TNRC6A: variants seen among roughly 807,000 people sequenced by gnomAD.
TNRC6A encodes trinucleotide repeat containing adaptor 6A.
In TNRC6A, 44 loss-of-function variants were observed where a neutral mutation model predicts 221.2. That is an observed-to-expected ratio of 0.20 (90% CI 0.16 to 0.26). The LOEUF is 0.26. TNRC6A is among the 10% of genes least tolerant of loss of function. TNRC6A has a pLI of 1.00. For synonymous variants in TNRC6A, 847 were observed against 838.5 expected (o/e 1.01, Z -0.18); for missense variants, 2,199 against 2,404.4 (o/e 0.91, Z 1.79).
chr16:24,790,754 C>G lies in TNRC6A; in HGVS notation c.2112C>G (p.Leu704=), dbSNP rs778440208. The change falls in exon 6 of 25, where the codon CTC becomes CTG. Residue 704 remains leucine, a synonymous_variant. Transcript: ENST00000395799. The part of the protein sequence containing the change: ...DRRKIDQHTL[L]QSIVNRTDLD... Reference sequence around the variant, plus strand: ...GAAAAATTGATCAGCACACATTACTCCAAAGCATTGTAAACAGAACTGACT... The same window carrying G: ...GAAAAATTGATCAGCACACATTACTGCAAAGCATTGTAAACAGAACTGACT... 6.2e-7 allele frequency: 1 copy of G among 1,614,108 alleles called. No individual in the cohort carries two copies. Among genetic ancestry groups the G allele is most frequent in the Non-Finnish European group, 8.5e-7 (1 of 1,180,016 alleles).
intron 3 of TNRC6A, among the ~76,000 whole-genome samples, chr16:24,753,094 G>A (rs1446365580): frequency 6.6e-6 from 1 of 152,152 alleles, no homozygotes; most frequent in African/African-American, 2.4e-5. Flanking sequence ...CACCAAGTCA[G>A]TATAAGTGGT....
At chr16:24,670,908 A>G (rs1740859132) in intron 2 of TNRC6A, 1 of 275,342 alleles carries the variant, frequency 3.6e-6, no homozygotes, top group South Asian at 2.8e-5. Context: ...CACTCCCGCC[A>G]GCCCCCACAC....
intron 1 of TNRC6A, among the ~76,000 whole-genome samples, chr16:24,618,179 C>T (rs1900473869): frequency 1.3e-5 from 2 of 152,174 alleles, no homozygotes; most frequent in African/African-American, 2.4e-5. Flanking sequence ...CATCAGCTTC[C>T]TAAAGTGCTG....
chr16:24,753,047 T>C (rs143228066), intron 3 of TNRC6A, among the ~76,000 whole-genome samples: 36 of 152,358 alleles, frequency 2.4e-4, no homozygotes, highest in Non-Finnish European at 3.8e-4. Context: ...TTGTTACAAG[T>C]AAATCTTTAC....
intron 2 of TNRC6A, among the ~76,000 whole-genome samples, chr16:24,700,725 T>A (rs553921531): frequency 1.3e-5 from 2 of 152,218 alleles, no homozygotes; most frequent in South Asian, 4.1e-4. Context: ...TCTTAGCCAG[T>A]GAGATGCTGT....
At chr16:24,817,850 G>A (rs1438593997) in intron 20 of TNRC6A, among the ~76,000 whole-genome samples, 2 of 152,166 alleles carry the variant, frequency 1.3e-5, no homozygotes, top group African/African-American at 2.4e-5. Context: ...GGAACACTAA[G>A]CCAAGCATAA....
intron 2 of TNRC6A, among the ~76,000 whole-genome samples, chr16:24,733,423 C>T (rs1018120727): frequency 6.6e-6 from 1 of 152,166 alleles, no homozygotes; most frequent in Non-Finnish European, 1.5e-5. Context: ...CATAGGTAAA[C>T]TGTCTTTTAA....
chr16:24,724,698 C>T (rs1440120701), upstream of TNRC6A, among the ~76,000 whole-genome samples: 2 of 151,996 alleles, frequency 1.3e-5, no homozygotes, highest in African/African-American at 4.8e-5. Context: ...GAGCCGAGAT[C>T]GTGCCACTGC....
chr16:24,611,669 A>G (rs1197840967), intron 1 of TNRC6A, among the ~76,000 whole-genome samples: 1 of 152,200 alleles, frequency 6.6e-6, no homozygotes, highest in East Asian at 1.9e-4. Flanking sequence ...GATTTAGTTC[A>G]ATGTAATTGC....
intron 2 of TNRC6A, among the ~76,000 whole-genome samples, chr16:24,672,484 C>T (rs1036595592): frequency 6.6e-6 from 1 of 152,026 alleles, no homozygotes; most frequent in Non-Finnish European, 1.5e-5. Flanking sequence ...CGAAGTCACC[C>T]AGGCTGGAGT....
intron 14 of TNRC6A, 64 bp downstream of exon 14, chr16:24,805,215 T>G (rs964236538): frequency 6.3e-7 from 1 of 1,585,256 alleles, no homozygotes; most frequent in African/African-American, 1.3e-5. Context: ...GATTTTGTAT[T>G]TGAATAAAAT....
chr16:24,678,383 T>C (rs1441076297), intron 2 of TNRC6A, among the ~76,000 whole-genome samples: 1 of 151,872 alleles, frequency 6.6e-6, no homozygotes, highest in African/African-American at 2.4e-5. Context: ...GATAAAAAGC[T>C]TCTGTCATGC....
chr16:24,635,644 T>C (rs541125884), intron 1 of TNRC6A, among the ~76,000 whole-genome samples: 2 of 152,312 alleles, frequency 1.3e-5, no homozygotes, highest in Admixed American at 1.3e-4. Context: ...ATCATAGACA[T>C]CACATTTGTT....
chr16:24,768,478 A>C (rs894446047), intron 4 of TNRC6A, among the ~76,000 whole-genome samples: 2 of 151,220 alleles, frequency 1.3e-5, no homozygotes, highest in African/African-American at 2.4e-5. Flanking sequence ...AAAGATACTT[A>C]GGAAAATCCT....
chr16:24,759,889 A>G (rs184871500), intron 4 of TNRC6A, among the ~76,000 whole-genome samples: 1 of 152,290 alleles, frequency 6.6e-6, no homozygotes, highest in East Asian at 1.9e-4. Context: ...AGGATGCGGA[A>G]TGTAGGGAGG....
chr16:24,740,847 G>A (rs2151290159), intron 2 of TNRC6A, among the ~76,000 whole-genome samples: 1 of 152,210 alleles, frequency 6.6e-6, no homozygotes, highest in African/African-American at 2.4e-5. Flanking sequence ...CCTTCTGTCT[G>A]TATGCATTTG....
chr16:24,611,768 G>A (rs1900068030), intron 1 of TNRC6A, among the ~76,000 whole-genome samples: 1 of 152,076 alleles, frequency 6.6e-6, no homozygotes, highest in African/African-American at 2.4e-5. Context: ...TATATTAGTT[G>A]AACCATGGGG....
chr16:24,703,101 A>G (rs889818571), intron 2 of TNRC6A, among the ~76,000 whole-genome samples: 2 of 152,084 alleles, frequency 1.3e-5, no homozygotes, highest in African/African-American at 2.4e-5. Flanking sequence ...ATGGTGTTTA[A>G]TACATTCACA....
intron 22 of TNRC6A, 118 bp downstream of exon 22, chr16:24,820,478 G>C: frequency 1.1e-6 from 1 of 873,424 alleles, no homozygotes; most frequent in Non-Finnish European, 1.8e-6. Context: ...CCATCAGGGG[G>C]AATGAGAACT....
Sources: allele counts gnomAD v4.1 joint callset (sites outside exome capture counted in the v4.1 genomes callset), GRCh38; gene constraint gnomAD v4.1.1; transcripts MANE v1.5; gene names NCBI Gene and HGNC (gene_info 2026-07-23, HGNC 2026-07-21).